Variants in LCORL observed in about 807,000 individuals in gnomAD.
The protein encoded by LCORL is ligand-dependent nuclear receptor corepressor-like protein.
Under a neutral mutation model 141.8 loss-of-function variants are expected in LCORL, and 41 were observed. The ratio of observed to expected loss-of-function variants is 0.29; its 90% CI spans 0.23 to 0.38. The LOEUF is 0.38. LCORL is among the 10% of genes least tolerant of loss of function. The pLI is 1.00. For synonymous variants in LCORL, 618 were observed against 694.1 expected (o/e 0.89, Z 1.72); for missense variants, 1,759 against 2,035.0 (o/e 0.86, Z 2.61).
At chr4:18,019,040 G>C (rs1560492595) in intron 1 of LCORL, among the ~76,000 whole-genome samples, 1 of 152,102 alleles carries the variant, frequency 6.6e-6, no homozygotes, top group Admixed American at 6.5e-5. Flanking sequence ...CTATAAATAA[G>C]TGCTTAACAC....
At chr4:17,864,189 C>T (rs1003180090) in intron 7 of LCORL, among the ~76,000 whole-genome samples, 4 of 152,086 alleles carry the variant, frequency 2.6e-5, no homozygotes, top group Non-Finnish European at 4.4e-5. Context: ...GAAGGTAGAA[C>T]CCTGATAAGT....
chr4:17,876,164 T>C, exon 7 of LCORL: 2 of 1,231,012 alleles, frequency 1.6e-6, no homozygotes, highest in Non-Finnish European at 2.0e-6. Flanking sequence ...CATATTTTGC[T>C]GGTACATTTT....
At chr4:17,876,929 A>G in exon 7 of LCORL, 2 of 1,230,804 alleles carry the variant, frequency 1.6e-6, no homozygotes, top group Non-Finnish European at 2.0e-6. Flanking sequence ...ATGTTTCAGC[A>G]TGATTTTTAC....
exon 7 of LCORL, chr4:17,874,915 T>C: frequency 8.1e-7 from 1 of 1,233,858 alleles, no homozygotes; most frequent in East Asian, 3.2e-5. Context: ...TTATATGATT[T>C]ATGGAGCAGA....
At chr4:17,967,336 C>T (rs1715094473) in intron 2 of LCORL, among the ~76,000 whole-genome samples, 1 of 152,076 alleles carries the variant, frequency 6.6e-6, no homozygotes, top group African/African-American at 2.4e-5. Context: ...AATGATGGAT[C>T]AATGACACCA....
rs756412786 is a variant in LCORL, at chr4:17,962,024, T to C, written c.309A>G (p.Ile103Met). ...TTGACTGTGAAGAATCAAGAGATGGTATACAATCCTAAAAGTATAAGAAAA... is the reference window on the plus strand; with the variant it reads ...TTGACTGTGAAGAATCAAGAGATGGCATACAATCCTAAAAGTATAAGAAAA... Residue 103 changes from isoleucine to methionine, a missense_variant, in exon 4 of 8, where the codon ATA becomes ATG. Ile to Met is a conservative substitution (Grantham distance 10, BLOSUM62 1). This residue lies in a region of LCORL where 1,311 missense variants were observed against 1,531.3 expected (regional missense o/e 0.86). Coordinates refer to ENST00000635767, the Ensembl canonical transcript of LCORL. The C allele has an allele frequency of 1.3e-6, 2 of 1,594,444 alleles. No homozygotes were observed. Among genetic ancestry groups the C allele is most frequent in the East Asian group, 2.2e-5 (1 of 44,598 alleles).
chr4:17,853,831 T>C (rs1478440763), intron 7 of LCORL, among the ~76,000 whole-genome samples: 1 of 152,108 alleles, frequency 6.6e-6, no homozygotes, highest in African/African-American at 2.4e-5. Flanking sequence ...AGAACCTTCA[T>C]GAAGGTCACT....
chr4:17,861,875 C>T (rs912808536), intron 7 of LCORL, among the ~76,000 whole-genome samples: 10 of 152,208 alleles, frequency 6.6e-5, no homozygotes, highest in Non-Finnish European at 1.0e-4. Flanking sequence ...TAACAAGAGT[C>T]ACCTTTGCTC....
At chr4:17,930,647 C>A (rs142860795) in intron 4 of LCORL, among the ~76,000 whole-genome samples, 181 of 152,248 alleles carry the variant, frequency 1.2e-3, no homozygotes, top group African/African-American at 4.1e-3. Context: ...GAATAAATGT[C>A]ATGACTGTCA....
chr4:17,845,197 GA>G (rs1722794663), exon 8 of LCORL: 1 of 152,500 alleles, frequency 6.6e-6, no homozygotes, highest in African/African-American at 2.4e-5. Flanking sequence ...ATTTTCCTGT[GA>G]ATGGGAAACA....
intron 4 of LCORL, among the ~76,000 whole-genome samples, chr4:17,916,306 G>A (rs554048508): frequency 1.3e-5 from 2 of 152,168 alleles, no homozygotes; most frequent in Non-Finnish European, 2.9e-5. Flanking sequence ...GGCAATAACT[G>A]TTGTTTCAGT....
intron 4 of LCORL, among the ~76,000 whole-genome samples, chr4:17,952,222 A>G (rs1166312067): frequency 6.6e-6 from 1 of 152,100 alleles, no homozygotes; most frequent in Admixed American, 6.6e-5. Flanking sequence ...CTAAACACAG[A>G]CGGTAATTCA....
At chr4:17,991,483 G>C (rs899102752) in intron 1 of LCORL, among the ~76,000 whole-genome samples, 2 of 152,184 alleles carry the variant, frequency 1.3e-5, no homozygotes, top group African/African-American at 4.8e-5. Flanking sequence ...GAAAACTGGG[G>C]TTCTGATAGT....
At chr4:17,947,316 T>C (rs1506613) in intron 4 of LCORL, among the ~76,000 whole-genome samples, 66,491 of 151,798 alleles carry the variant, frequency 0.44, 17,040 homozygotes, top group Non-Finnish European at 0.58. Context: ...TCTTCACTTA[T>C]ATGTGAAATC....
intron 1 of LCORL, among the ~76,000 whole-genome samples, chr4:17,994,436 C>T (rs1203269566): frequency 2.0e-5 from 3 of 152,096 alleles, no homozygotes; most frequent in African/African-American, 4.8e-5. Flanking sequence ...CACTCCAACC[C>T]CCATTTCCAT....
At chr4:17,995,214 T>TG (rs1447518365) in intron 1 of LCORL, among the ~76,000 whole-genome samples, 3 of 152,178 alleles carry the variant, frequency 2.0e-5, no homozygotes, top group East Asian at 1.9e-4. Flanking sequence ...CATTTTTTTT[T>TG]TTTTTTTACT....
At chr4:17,973,181 G>A (rs1366938012) in intron 1 of LCORL, among the ~76,000 whole-genome samples, 3 of 151,754 alleles carry the variant, frequency 2.0e-5, no homozygotes, top group Non-Finnish European at 4.4e-5. Context: ...GGCAGATTTT[G>A]TATGTAATAA....
chr4:17,897,578 G>T (rs1034130481), intron 5 of LCORL, among the ~76,000 whole-genome samples: 1 of 152,002 alleles, frequency 6.6e-6, no homozygotes, highest in Non-Finnish European at 1.5e-5. Context: ...TAAAGAACTG[G>T]TGTGGTGTGT....
chr4:17,890,937 C>T (rs1728981469), intron 5 of LCORL, among the ~76,000 whole-genome samples: 2 of 152,020 alleles, frequency 1.3e-5, no homozygotes, highest in African/African-American at 4.8e-5. Context: ...CAACTGGAAC[C>T]TTCATAATAT....
Sources: allele counts gnomAD v4.1 joint callset (sites outside exome capture counted in the v4.1 genomes callset), GRCh38; gene constraint gnomAD v4.1.1; regional missense constraint gnomAD v4.1.1; transcripts MANE v1.5; gene names NCBI Gene and HGNC (gene_info 2026-07-23, HGNC 2026-07-21).